The following SLC1A2 variants were observed in gnomAD, a reference collection of about 807,000 sequenced individuals.
SLC1A2 encodes solute carrier family 1 member 2.
Under a neutral mutation model 48.8 loss-of-function variants are expected in SLC1A2, and 15 were observed. The observed-to-expected ratio is 0.31, with a 90% confidence interval of 0.21 to 0.47. The LOEUF (loss-of-function observed/expected upper bound fraction) is 0.47. Among genes scored for constraint, SLC1A2 ranks in the 20% least tolerant of loss-of-function variants. The pLI, the probability that SLC1A2 is intolerant of heterozygous loss-of-function variation, is 0.99. For synonymous variants in SLC1A2, 279 were observed against 272.6 expected, an observed-to-expected ratio of 1.02 and a Z score of -0.23; for missense variants, 502 against 730.5, an observed-to-expected ratio of 0.69 and a Z score of 3.61.
At chr11:35,306,586 T>C (rs780207475) in intron 4 of SLC1A2, among the ~76,000 whole-genome samples, 10 of 152,236 alleles carry the variant, frequency 6.6e-5, no homozygotes, top group Admixed American at 3.9e-4. Context: ...ATGCATTTTT[T>C]AAGTACAGTC....
intron 1 of SLC1A2, among the ~76,000 whole-genome samples, chr11:35,330,585 C>A (rs745623254): frequency 1.1e-4 from 16 of 152,224 alleles, no homozygotes; most frequent in Non-Finnish European, 1.6e-4. Context: ...AAGAAGGTTG[C>A]TAATCAGCTG....
chr11:35,300,334 C>A (rs1591444636), intron 6 of SLC1A2, among the ~76,000 whole-genome samples: 3 of 152,316 alleles, frequency 2.0e-5, no homozygotes, highest in South Asian at 2.1e-4. Context: ...GCAAAAACTG[C>A]AATTCATAAG....
intron 1 of SLC1A2, among the ~76,000 whole-genome samples, chr11:35,317,858 A>G (rs1014466080): frequency 6.6e-6 from 1 of 152,234 alleles, no homozygotes; most frequent in Non-Finnish European, 1.5e-5. Flanking sequence ...ATCCAAATCC[A>G]GATAGGTCTG....
intron 1 of SLC1A2, chr11:35,322,632 G>A (rs1251823281): frequency 6.5e-7 from 1 of 1,535,196 alleles, no homozygotes; most frequent in Admixed American, 2.0e-5. Context: ...AGGTACTGGG[G>A]AGATAAAGAT....
intron 2 of SLC1A2, 138 bp downstream of exon 2, chr11:35,317,239 C>T: frequency 1.3e-6 from 1 of 779,616 alleles, no homozygotes; most frequent in Non-Finnish European, 2.0e-6. Flanking sequence ...ATCACTGAAG[C>T]CTGGGCAGAC....
intron 1 of SLC1A2, among the ~76,000 whole-genome samples, chr11:35,325,094 A>G (rs1334932766): frequency 6.6e-6 from 1 of 152,202 alleles, no homozygotes; most frequent in Non-Finnish European, 1.5e-5. Flanking sequence ...CACAACATCA[A>G]CAAGCTGAGG....
intron 5 of SLC1A2, among the ~76,000 whole-genome samples, chr11:35,304,698 T>G (rs1219386475): frequency 2.0e-5 from 3 of 152,084 alleles, no homozygotes; most frequent in African/African-American, 7.2e-5. Flanking sequence ...GCTCCCTCTC[T>G]CTCCTCTTTC....
intron 2 of SLC1A2, chr11:35,316,798 T>G (rs3847613): frequency 0.2 from 29,942 of 152,542 alleles, 3,448 homozygotes; most frequent in Admixed American, 0.27. Context: ...AGAACAACCA[T>G]CGCCTGGGTG....
chr11:35,395,263 GT>G (rs1034644760), intron 1 of SLC1A2, among the ~76,000 whole-genome samples: 265 of 144,494 alleles, frequency 1.8e-3, no homozygotes, highest in Middle Eastern at 3.5e-3. Context: ...GTTTAGGAGT[GT>G]TTTTTTTTTT....
intron 2 of SLC1A2, chr11:35,317,168 T>G: frequency 1.9e-6 from 1 of 520,292 alleles, no homozygotes; most frequent in Non-Finnish European, 3.4e-6. Context: ...TGCAAAAAAT[T>G]TAAGAACTAC....
chr11:35,397,508 C>T (rs1313567886), intron 1 of SLC1A2, among the ~76,000 whole-genome samples: 2 of 151,124 alleles, frequency 1.3e-5, no homozygotes, highest in Non-Finnish European at 2.9e-5. Flanking sequence ...CCCTTCCTTA[C>T]ACCTTATACA....
rs183087857 is a variant in SLC1A2, at chr11:35,309,681, A to T, written c.561+2517T>A. Among the ~76,000 whole-genome samples, 43 of 152,156 alleles carry T rather than the reference A, an allele frequency of 2.8e-4. No individual in the cohort carries two copies. The East Asian group carries it at 8.0e-3, about 28-fold the overall frequency. On this transcript the variant is annotated intron_variant, in intron 4 of 10. Transcript: ENST00000278379. ...CTCCACTCAAGACAGGTTATTTTAAATGACTTCTAGCTGTACTCATGGACA... is the reference window on the plus strand; with the variant it reads ...CTCCACTCAAGACAGGTTATTTTAATTGACTTCTAGCTGTACTCATGGACA...
intron 1 of SLC1A2, among the ~76,000 whole-genome samples, chr11:35,322,048 C>T (rs1440525342): frequency 6.6e-6 from 1 of 152,192 alleles, no homozygotes; most frequent in Admixed American, 6.5e-5. Flanking sequence ...ATGGCCTCCA[C>T]TGCCTAACAA....
intron 5 of SLC1A2, among the ~76,000 whole-genome samples, chr11:35,303,249 A>C (rs556186845): frequency 7.2e-5 from 11 of 152,168 alleles, no homozygotes; most frequent in Non-Finnish European, 8.8e-5. Context: ...CACCAAGCAC[A>C]TATCAACCCA....
At chr11:35,278,375 A>T (rs548609566) in intron 9 of SLC1A2, among the ~76,000 whole-genome samples, 15 of 150,200 alleles carry the variant, frequency 1.0e-4, no homozygotes, top group African/African-American at 3.4e-4. Context: ...TCCCAGGTTC[A>T]AGTGATTCTC....
chr11:35,270,112 T>G (rs1850237784), intron 9 of SLC1A2, among the ~76,000 whole-genome samples: 1 of 152,094 alleles, frequency 6.6e-6, no homozygotes, highest in Admixed American at 6.5e-5. Flanking sequence ...GTCTCAAAAA[T>G]GAATGAAAGA....
rs188472046 is a variant in SLC1A2 at position 35,264,461 on chromosome 11, T to C, written c.1653+1066A>G. 3.3e-5 allele frequency among the ~76,000 whole-genome samples: 5 copies of C among 152,230 alleles called. No individual in the cohort carries two copies. In the East Asian group the frequency reaches 5.8e-4, roughly 18 times the overall value. On this transcript the variant is annotated intron_variant, in intron 10 of 10. Coordinates refer to ENST00000278379, the MANE Select transcript of SLC1A2 (RefSeq NM_004171.4). ...TCATTTTAGAAACCAACCCCCAGAGTTGATTCTGCTCACCTGCCAGGGTTT... is the reference window on the plus strand; with the variant it reads ...TCATTTTAGAAACCAACCCCCAGAGCTGATTCTGCTCACCTGCCAGGGTTT...
In SLC1A2 at chr11:35,317,548, G is replaced by A. The variant is rs762837539; in HGVS notation, c.18-32C>T. 6 of 1,603,772 alleles carry A rather than the reference G, an allele frequency of 3.7e-6. No individual in the cohort carries two copies. In the African/African-American group the frequency reaches 6.7e-5, roughly 18 times the overall value. The stretch of plus-strand genomic sequence containing the variant: ...CAGAAGTGAAGGCAGAGATTAGAGA[G>A]ACTGGCACCTCCCCTATACAGTTTC... On this transcript the variant is annotated intron_variant, in intron 1 of 10. Coordinates refer to ENST00000278379, the MANE Select transcript of SLC1A2 (RefSeq NM_004171.4).
Position 35,251,286 on chromosome 11 carries a change from T to C in SLC1A2, c.*9608A>G, listed in dbSNP as rs1242376143. Reference sequence around the variant, plus strand: ...AGTGAAATATTGGATTCACAGGTTATTTCCAGTATATAAAGAATATCCAGT... The same window carrying C: ...AGTGAAATATTGGATTCACAGGTTACTTCCAGTATATAAAGAATATCCAGT... On this transcript the variant is annotated 3_prime_UTR_variant, in exon 11 of 11. Transcript: ENST00000278379. The C allele has an allele frequency of 6.6e-6, 1 of 152,666 alleles. No individual in the cohort carries two copies. The highest frequency in any genetic ancestry group is 1.5e-5 in the Non-Finnish European group (1 of 68,034). 9.5% of individuals were successfully genotyped at this position (152,666 alleles called of 1,614,324 possible).
Sources: gnomAD v4.1 joint callset for allele counts (sites outside exome capture counted in the v4.1 genomes callset) on GRCh38, gnomAD v4.1.1 for gene constraint, MANE v1.5 for transcripts, NCBI Gene and HGNC (gene_info 2026-07-23, HGNC 2026-07-21) for gene names.